POP4: variants seen among roughly 807,000 people sequenced by gnomAD.
POP4 encodes the protein POP4 ribonuclease P/MRP subunit, also known as ribonuclease P protein subunit p29.
A neutral mutation model predicts 29.9 loss-of-function variants in POP4; 31 were observed. The observed-to-expected ratio is 1.04, with a 90% CI of 0.78 to 1.40. POP4 has a LOEUF of 1.40. Among genes scored for constraint, POP4 ranks in the 40% most tolerant of loss-of-function variants. The pLI, the probability that POP4 is intolerant of heterozygous loss-of-function variation, is 0.00. For synonymous variants in POP4, 110 were observed against 108.2 expected, an observed-to-expected ratio of 1.02 and a Z score of -0.10; for missense variants, 286 against 282.7, an observed-to-expected ratio of 1.01 and a Z score of -0.08.
intron 3 of POP4, 70 bp from the exon 4 acceptor site, chr19:29,611,792 G>C: frequency 1.5e-6 from 2 of 1,308,738 alleles, no homozygotes; most frequent in Non-Finnish European, 2.2e-6. Context: ...GTCAAGCTCT[G>C]TGCTATTTGG....
chr19:29,612,162 C>CG lies in POP4; in HGVS notation c.412dup (p.Ala138GlyfsTer69). The CG allele has an allele frequency of 1.2e-6, 2 of 1,610,172 alleles. No individual in the cohort carries two copies. Among genetic ancestry groups the CG allele is most frequent in the Non-Finnish European group, 1.7e-6 (2 of 1,178,840 alleles). Reference sequence around the variant, plus strand: ...CCAAGCTCTTAAAGGCAGATCTTCACGGGGCTATTATTTCAGGTAATTTAC... The same window carrying CG: ...CCAAGCTCTTAAAGGCAGATCTTCACGGGGGCTATTATTTCAGGTAATTTAC... On this transcript the variant is annotated frameshift_variant, in exon 5 of 7. Coordinates refer to ENST00000585603, the MANE Select transcript of POP4 (RefSeq NM_006627.3). LOFTEE classifies it high-confidence loss of function.
intron 3 of POP4, 130 bp downstream of exon 3, chr19:29,610,762 G>T (rs1227336582): frequency 4.4e-6 from 4 of 906,636 alleles, no homozygotes; most frequent in Non-Finnish European, 6.7e-6. Context: ...TCTGCCACAA[G>T]AGGGCAGCCT....
At chr19:29,608,916 G>A in intron 2 of POP4, 1 of 538,812 alleles carries the variant, frequency 1.9e-6, no homozygotes, top group Non-Finnish European at 3.3e-6. Context: ...CCAAAGTCAA[G>A]TTTGGTAAAA....
At chr19:29,614,573 C>G (rs1320113529) in intron 6 of POP4, among the ~76,000 whole-genome samples, 1 of 149,196 alleles carries the variant, frequency 6.7e-6, no homozygotes, top group Non-Finnish European at 1.5e-5. Flanking sequence ...GGCACAATCT[C>G]GACTCACTGC....
At chr19:29,613,263 G>A (rs1971091692) in intron 5 of POP4, 1 of 152,694 alleles carries the variant, frequency 6.5e-6, no homozygotes, top group Admixed American at 6.5e-5. Context: ...TGCCTTGCTA[G>A]AACCCGGGCT....
intron 2 of POP4, among the ~76,000 whole-genome samples, chr19:29,609,677 ACAGT>A (rs1157633867): frequency 6.6e-6 from 1 of 152,322 alleles, no homozygotes; most frequent in Non-Finnish European, 1.5e-5. Context: ...CACAATTACG[ACAGT>A]CATTTTTCCC....
At chr19:29,609,865 A>T (rs1971044356) in intron 2 of POP4, among the ~76,000 whole-genome samples, 1 of 152,076 alleles carries the variant, frequency 6.6e-6, no homozygotes, top group South Asian at 2.1e-4. Flanking sequence ...CACCATGCCC[A>T]CAGAGCTGGA....
At chr19:29,613,845 C>T (rs1440552651) in intron 5 of POP4, 26 bp from the exon 6 acceptor site, 1 of 1,604,692 alleles carries the variant, frequency 6.2e-7, no homozygotes, top group South Asian at 1.1e-5. Flanking sequence ...GAGGCCTGAG[C>T]CTGGAACTGT....
intron 6 of POP4, among the ~76,000 whole-genome samples, chr19:29,615,016 T>C (rs1002659911): frequency 6.6e-6 from 1 of 152,278 alleles, no homozygotes; most frequent in Admixed American, 6.5e-5. Context: ...GTATAGCCTT[T>C]GACCCTGAAG....
At chr19:29,606,355 T>C (rs764659418) in intron 1 of POP4, 30 bp downstream of exon 1, 1 of 1,602,774 alleles carries the variant, frequency 6.2e-7, no homozygotes, top group Non-Finnish European at 8.5e-7. Flanking sequence ...TGGAGAGGGT[T>C]GGGGACGTTA....
At position 29,611,806 on chromosome 19, in the gene POP4, T is replaced by C; in HGVS notation, c.285-56T>C. The C allele has an allele frequency of 3.5e-6, 5 of 1,449,060 alleles. No homozygotes were observed. In the South Asian group the frequency reaches 4.6e-5, roughly 13 times the overall value. The allele number at this position is 1,449,060 out of a possible 1,614,324, so 89.8% of individuals were successfully genotyped here. Reference sequence around the variant, plus strand: ...AGTCAAGCTCTGTGCTATTTGGACATTGTCATCCCAAGCTCATGTTGTCTA... The same window carrying C: ...AGTCAAGCTCTGTGCTATTTGGACACTGTCATCCCAAGCTCATGTTGTCTA... On this transcript the variant is annotated intron_variant, in intron 3 of 6. Transcript: ENST00000585603.
chr19:29,607,961 A>C (rs1391838652), intron 1 of POP4, among the ~76,000 whole-genome samples: 3 of 152,236 alleles, frequency 2.0e-5, no homozygotes, highest in African/African-American at 7.2e-5. Flanking sequence ...GCAACTCAAA[A>C]TGTGATTCAC....
chr19:29,615,003 G>T (rs1406405431), intron 6 of POP4, among the ~76,000 whole-genome samples: 1 of 152,102 alleles, frequency 6.6e-6, no homozygotes, highest in Admixed American at 6.6e-5. Flanking sequence ...CTGGGAATTT[G>T]GTGTATAGCC....
chr19:29,612,739 G>C (rs979449480), intron 5 of POP4, among the ~76,000 whole-genome samples: 5 of 152,288 alleles, frequency 3.3e-5, no homozygotes, highest in Non-Finnish European at 5.9e-5. Flanking sequence ...TACACTGGTT[G>C]TTCAGACCAA....
chr19:29,614,583 C>T (rs1384169176), intron 6 of POP4, among the ~76,000 whole-genome samples: 2 of 150,668 alleles, frequency 1.3e-5, no homozygotes, highest in Non-Finnish European at 2.9e-5. Flanking sequence ...CGACTCACTG[C>T]AGCCTCCACT....
intron 5 of POP4, 71 bp downstream of exon 5, chr19:29,612,249 G>T: frequency 7.1e-7 from 1 of 1,400,908 alleles, no homozygotes; most frequent in Non-Finnish European, 9.8e-7. Flanking sequence ...GAGACCCAGG[G>T]CGTGTGTTCT....
chr19:29,611,172 G>A (rs1019493003), intron 3 of POP4: 13 of 155,630 alleles, frequency 8.4e-5, no homozygotes, highest in Admixed American at 1.9e-4. Flanking sequence ...GGAGATCAAC[G>A]GCCAAATAGC....
Position 29,611,886 on chromosome 19 carries a change from T to C in POP4, c.309T>C (p.His103=), listed in dbSNP as rs1037260615. The stretch of plus-strand genomic sequence containing the variant: ...GATACAGCCTTTTCCTCCCTCTCCA[T>C]GAACTCTGGAAACAGTACATCAGGG... The part of the protein sequence containing the change: ...QQRYSLFLPL[H]ELWKQYIRDL... Residue 103 remains histidine, a synonymous_variant, in exon 4 of 7, where the codon CAT becomes CAC. Transcript: ENST00000585603. 4 of 1,614,086 alleles carry C rather than the reference T, an allele frequency of 2.5e-6. No individual in the cohort carries two copies. The highest frequency in any genetic ancestry group is 1.7e-6 in the Non-Finnish European group (2 of 1,180,018).
intron 1 of POP4, 132 bp from the exon 2 acceptor site, chr19:29,608,525 C>A: frequency 2.3e-6 from 2 of 854,360 alleles, no homozygotes; most frequent in Admixed American, 2.1e-5. Flanking sequence ...CCGCCTTGGC[C>A]TCCCAAAGTG....
Sources: allele counts gnomAD v4.1 joint callset (sites outside exome capture counted in the v4.1 genomes callset), GRCh38; gene constraint gnomAD v4.1.1; transcripts MANE v1.5; gene names NCBI Gene and HGNC (gene_info 2026-07-23, HGNC 2026-07-21).